Variants in SYT9 observed in about 807,000 individuals in gnomAD.
SYT9 encodes the protein synaptotagmin-9.
A neutral mutation model predicts 48.4 loss-of-function variants in SYT9; 22 were observed. That is an observed-to-expected ratio of 0.45 (90% CI 0.32 to 0.65). The LOEUF (loss-of-function observed/expected upper bound fraction) is 0.65. SYT9 is among the 30% of genes least tolerant of loss of function. SYT9 has a pLI of 0.03. For missense variants in SYT9, 577 were observed against 622.0 expected (o/e 0.93, Z 0.77); for synonymous variants, 265 against 245.0 (o/e 1.08, Z -0.76).
At chr11:7,396,827 G>A (rs1271166858) in intron 3 of SYT9, among the ~76,000 whole-genome samples, 6 of 152,122 alleles carry the variant, frequency 3.9e-5, no homozygotes, top group Admixed American at 3.9e-4. Flanking sequence ...GATAAAGTAA[G>A]TAGATTTAGA....
At chr11:7,368,058 A>AC (rs1850285506) in intron 3 of SYT9, among the ~76,000 whole-genome samples, 1 of 152,354 alleles carries the variant, frequency 6.6e-6, no homozygotes, top group East Asian at 1.9e-4. Context: ...CTGCAATCTA[A>AC]CCTAGGTAGT....
chr11:7,435,357 G>C (rs1329806092), intron 6 of SYT9: 2 of 152,132 alleles, frequency 1.3e-5, no homozygotes, highest in Non-Finnish European at 2.9e-5. Context: ...GAGTCTTCGA[G>C]GACTACTCAG....
intron 3 of SYT9, among the ~76,000 whole-genome samples, chr11:7,400,695 G>C (rs1330104646): frequency 6.6e-6 from 1 of 152,120 alleles, no homozygotes; most frequent in Non-Finnish European, 1.5e-5. Flanking sequence ...ACAAAAATCA[G>C]TGTCAAAGCA....
In SYT9 at chr11:7,313,315, C is replaced by T. The variant is rs563182385; in HGVS notation, c.498-80C>T. On this transcript the variant is annotated intron_variant, in intron 2 of 6. Coordinates refer to ENST00000318881, the MANE Select transcript of SYT9 (RefSeq NM_175733.4). ...GCTCCTGACAAAATATAACAGTCTACCTACATCCCAGGCAAAAGTTTCTGA... is the reference window on the plus strand; with the variant it reads ...GCTCCTGACAAAATATAACAGTCTATCTACATCCCAGGCAAAAGTTTCTGA... 13 of 1,430,174 alleles carry T rather than the reference C, an allele frequency of 9.1e-6. No homozygotes were observed. In the African/African-American group the frequency reaches 1.6e-4, roughly 17 times the overall value. 88.6% of individuals were successfully genotyped at this position (1,430,174 alleles called of 1,614,324 possible).
chr11:7,315,711 G>C (rs1293431673), intron 3 of SYT9, among the ~76,000 whole-genome samples: 1 of 152,188 alleles, frequency 6.6e-6, no homozygotes, highest in Non-Finnish European at 1.5e-5. Context: ...TCCTAGGACA[G>C]GTTCCTGTGG....
chr11:7,419,950 T>C (rs1847319738), intron 5 of SYT9, among the ~76,000 whole-genome samples: 2 of 152,060 alleles, frequency 1.3e-5, no homozygotes, highest in South Asian at 4.1e-4. Context: ...CTTTCTATAG[T>C]TGGGAAACTA....
At chr11:7,238,887 A>C (rs1847712188) in exon 1 of SYT9, 1 of 455,912 alleles carries the variant, frequency 2.2e-6, no homozygotes. Flanking sequence ...AAGGTGGTGG[A>C]GGGAGATTTA....
At chr11:7,389,174 C>G (rs1430150865) in intron 3 of SYT9, among the ~76,000 whole-genome samples, 1 of 152,054 alleles carries the variant, frequency 6.6e-6, no homozygotes, top group Non-Finnish European at 1.5e-5. Flanking sequence ...TGGGCCAATA[C>G]AGAAAACTGT....
intron 3 of SYT9, among the ~76,000 whole-genome samples, chr11:7,354,170 C>A (rs1303881691): frequency 6.6e-6 from 1 of 152,114 alleles, no homozygotes; most frequent in Non-Finnish European, 1.5e-5. Flanking sequence ...TTCAGAGCAC[C>A]ACATTGCACA....
At chr11:7,255,242 C>G (rs552466831) in intron 1 of SYT9, among the ~76,000 whole-genome samples, 8 of 152,266 alleles carry the variant, frequency 5.3e-5, no homozygotes, top group African/African-American at 1.9e-4. Context: ...CGCAAAGGCC[C>G]TGAAGTGGTA....
Position 7,360,532 on chromosome 11 carries a change from C to T in SYT9, c.1044+46591C>T, listed in dbSNP as rs374355008. On this transcript the variant is annotated intron_variant, in intron 3 of 6. Coordinates refer to ENST00000318881, the MANE Select transcript of SYT9 (RefSeq NM_175733.4). ...TTGTATCCTCTTTAATTTCATTGAGCAGTGGTTTGTAGTTCTCCTTGAAGA... is the reference window on the plus strand; with the variant it reads ...TTGTATCCTCTTTAATTTCATTGAGTAGTGGTTTGTAGTTCTCCTTGAAGA... Among the ~76,000 whole-genome samples the T allele has an allele frequency of 5.3e-5, 8 of 152,054 alleles. No homozygotes were observed. In the East Asian group the frequency reaches 5.8e-4, roughly 11 times the overall value.
upstream of SYT9, among the ~76,000 whole-genome samples, chr11:7,247,682 G>GATATATATATATACACATA (rs1564834941): frequency 1.6e-3 from 226 of 142,674 alleles, 1 homozygote; most frequent in African/African-American, 5.8e-3. Context: ...GTATATATGT[G>GATATATATATATACACATA]TGTATATATA....
intron 3 of SYT9, among the ~76,000 whole-genome samples, chr11:7,325,972 C>G (rs1849425986): frequency 1.3e-5 from 1 of 74,346 alleles, no homozygotes; most frequent in South Asian, 6.7e-4. Flanking sequence ...CCCACTTGAT[C>G]ATGGTGGATA....
At chr11:7,300,796 C>T (rs142958364) in intron 1 of SYT9, among the ~76,000 whole-genome samples, 1,853 of 152,272 alleles carry the variant, frequency 0.012, 18 homozygotes, top group Middle Eastern at 0.037. Flanking sequence ...TATCACCCAT[C>T]ACAGAAGTCT....
At chr11:7,415,570 C>G (rs1847226719) in intron 3 of SYT9, among the ~76,000 whole-genome samples, 1 of 152,074 alleles carries the variant, frequency 6.6e-6, no homozygotes, top group Non-Finnish European at 1.5e-5. Context: ...GTGTGCAGAG[C>G]TACCCTGGGC....
At chr11:7,328,488 A>T (rs1046150992) in intron 3 of SYT9, among the ~76,000 whole-genome samples, 1 of 152,206 alleles carries the variant, frequency 6.6e-6, no homozygotes, top group African/African-American at 2.4e-5. Context: ...TAAAAAGTTA[A>T]TCAGTGTATT....
chr11:7,388,691 A>G (rs117422314), intron 3 of SYT9, among the ~76,000 whole-genome samples: 4 of 152,212 alleles, frequency 2.6e-5, no homozygotes, highest in South Asian at 2.1e-4. Context: ...ATAGAGTCCA[A>G]TGTATATCTG....
At chr11:7,268,200 G>A (rs1325522892) in intron 1 of SYT9, among the ~76,000 whole-genome samples, 2 of 151,928 alleles carry the variant, frequency 1.3e-5, no homozygotes, top group South Asian at 2.1e-4. Flanking sequence ...TTTTCAGTGA[G>A]CACAAGAATT....
chr11:7,424,374 G>A (rs1222097023), intron 6 of SYT9, among the ~76,000 whole-genome samples: 1 of 152,160 alleles, frequency 6.6e-6, no homozygotes, highest in Non-Finnish European at 1.5e-5. Flanking sequence ...TAGGGCCTCA[G>A]ATGACAGAGC....
Sources: allele counts gnomAD v4.1 joint callset (sites outside exome capture counted in the v4.1 genomes callset), GRCh38; gene constraint gnomAD v4.1.1; transcripts MANE v1.5; gene names NCBI Gene and HGNC (gene_info 2026-07-23, HGNC 2026-07-21).